The following DCAF12 variants were observed in gnomAD, a reference collection of about 807,000 sequenced individuals.
The protein encoded by DCAF12 is DDB1- and CUL4-associated factor 12.
Under a neutral mutation model 52.8 loss-of-function variants are expected in DCAF12, and 28 were observed. The observed-to-expected ratio is 0.53, with a 90% CI of 0.39 to 0.73. DCAF12 has a LOEUF of 0.73. DCAF12 is among the 30% of genes least tolerant of loss of function. The pLI is 0.00. For synonymous variants in DCAF12, 196 were observed against 215.5 expected, an observed-to-expected ratio of 0.91 and a Z score of 0.79; for missense variants, 425 against 552.2, an observed-to-expected ratio of 0.77 and a Z score of 2.31.
At chr9:34,124,940 G>T in intron 2 of DCAF12, 83 bp downstream of exon 2, 1 of 1,534,750 alleles carries the variant, frequency 6.5e-7, no homozygotes, top group Non-Finnish European at 8.8e-7. Context: ...AGAAACAGAC[G>T]GGAAAACTAG....
intron 2 of DCAF12, among the ~76,000 whole-genome samples, chr9:34,120,546 C>T (rs968028123): frequency 6.6e-6 from 1 of 151,568 alleles, no homozygotes; most frequent in African/African-American, 2.4e-5. Flanking sequence ...TAGCACGCGC[C>T]TGTAGTCCCA....
rs1472670044 is a variant in DCAF12, at chr9:34,089,541, C to G, written c.1074G>C (p.Gly358=). 6.2e-6 allele frequency: 10 copies of G among 1,613,840 alleles called. No individual in the cohort carries two copies. Residue 358 remains glycine (G), a synonymous_variant, in exon 8 of 9, where the codon GGG becomes GGC. Transcript: ENST00000361264. ...TGTCATAGAACAGCAGGGAGCCCTG[C>G]CCTGTTCCCACAGTGATGATGTGCT... ...FYEHIITVGT[G]QGSLLFYDIR... is the part of the protein sequence containing the mutation.
intron 6 of DCAF12, among the ~76,000 whole-genome samples, chr9:34,093,971 G>A (rs540871761): frequency 1.3e-5 from 2 of 152,148 alleles, no homozygotes; most frequent in African/African-American, 2.4e-5. Flanking sequence ...CTGGGTCTTC[G>A]TCAGTTAGCA....
intron 2 of DCAF12, among the ~76,000 whole-genome samples, chr9:34,119,947 T>A (rs541261459): frequency 6.6e-6 from 1 of 151,872 alleles, no homozygotes; most frequent in Non-Finnish European, 1.5e-5. Context: ...GCTCAAGTGA[T>A]CTTCCTGTCT....
chr9:34,126,565 G>C lies in DCAF12; in HGVS notation c.-134C>G. The C allele has an allele frequency of 4.2e-6, 4 of 950,072 alleles. No individual in the cohort carries two copies. The highest frequency in any genetic ancestry group is 6.1e-6 in the Non-Finnish European group (4 of 659,446). The allele number at this position is 950,072 out of a possible 1,614,324, so 58.9% of individuals were successfully genotyped here. A position where few individuals can be genotyped will look rare whatever the true frequency, so the allele number is the denominator to read the frequency against. The stretch of plus-strand genomic sequence containing the variant: ...CGGCCCGGAAAATGGCCCGGACCCG[G>C]AGCGGCAGCAGAAAAAAGATAGGCG... On this transcript the variant is annotated 5_prime_UTR_variant, in exon 1 of 9. Transcript: ENST00000361264.
At chr9:34,102,489 T>C (rs1224843294) in intron 4 of DCAF12, among the ~76,000 whole-genome samples, 1 of 151,590 alleles carries the variant, frequency 6.6e-6, no homozygotes, top group Non-Finnish European at 1.5e-5. Context: ...GGTGAAACCC[T>C]GTCTCTACTA....
intron 7 of DCAF12, among the ~76,000 whole-genome samples, chr9:34,090,586 G>T (rs1463444753): frequency 6.6e-6 from 1 of 152,124 alleles, no homozygotes; most frequent in East Asian, 1.9e-4. Context: ...TATTAGGTAT[G>T]AAAGTTACCC....
rs1275999857 is a variant in DCAF12 at position 34,098,392 on chromosome 9, T to C, written c.727A>G (p.Ile243Val). 1.2e-6 allele frequency: 2 copies of C among 1,614,244 alleles called. No homozygotes were observed. The highest frequency in any genetic ancestry group is 1.7e-6 in the Non-Finnish European group (2 of 1,180,028). Residue 243 changes from isoleucine (I) to valine (V), a missense_variant, in exon 5 of 9, where the codon ATC (isoleucine) becomes GTC (valine). Around this residue, in one of 3 missense-constraint regions of DCAF12, gnomAD observed 328 missense variants for 444.4 expected, o/e 0.74. Coordinates refer to ENST00000361264, the MANE Select transcript of DCAF12 (RefSeq NM_015397.4). ...TCAGGGTTTGTGTCTTCTTTGGGGA[T>C]GTCCTTTAAGGCCTTGTGAGTGATG... ...AHITHKALKD[I>V]PKEDTNPDNC...
chr9:34,100,947 T>G (rs1490035415), intron 4 of DCAF12, among the ~76,000 whole-genome samples: 4 of 151,876 alleles, frequency 2.6e-5, no homozygotes, highest in Non-Finnish European at 5.9e-5. Flanking sequence ...ACTAGGCCTC[T>G]TTTTCTAGAA....
chr9:34,125,046 C>A lies in DCAF12; in HGVS notation c.310G>T (p.Val104Leu). The A allele has an allele frequency of 1.9e-6, 3 of 1,613,458 alleles. No individual in the cohort carries two copies. Among genetic ancestry groups the A allele is most frequent in the Non-Finnish European group, 2.5e-6 (3 of 1,180,028 alleles). ...ASQWLNHRQV[V>L]CGTKCNTLFV... ...ACCGTGTTGCATTTTGTGCCACACA[C>A]CACTTGCCTATGATTCAACCACTGA... The change falls in exon 2 of 9, where the codon GTG (valine) becomes TTG (leucine). Residue 104 changes from valine to leucine, a missense_variant. By Grantham distance (32) the Val-to-Leu change is conservative (BLOSUM62 1). This residue lies in a region of DCAF12 where 328 missense variants were observed against 444.4 expected (regional missense o/e 0.74). Coordinates refer to ENST00000361264, the MANE Select transcript of DCAF12 (RefSeq NM_015397.4).
At chr9:34,117,239 T>C (rs1013139448) in intron 2 of DCAF12, among the ~76,000 whole-genome samples, 15 of 151,632 alleles carry the variant, frequency 9.9e-5, no homozygotes, top group African/African-American at 3.4e-4. Context: ...TAGCAGTAAA[T>C]TGATTTCTAA....
At chr9:34,102,823 C>T (rs933611648) in intron 4 of DCAF12, among the ~76,000 whole-genome samples, 1 of 151,960 alleles carries the variant, frequency 6.6e-6, no homozygotes, top group Non-Finnish European at 1.5e-5. Context: ...CGACTGTAAT[C>T]GCAACACTTT....
intron 2 of DCAF12, among the ~76,000 whole-genome samples, chr9:34,122,244 G>A (rs1191716203): frequency 6.6e-6 from 1 of 152,054 alleles, no homozygotes; most frequent in African/African-American, 2.4e-5. Flanking sequence ...GCAATTTTAG[G>A]GAAAGTTTAC....
At chr9:34,119,144 C>CAAA (rs1829133535) in intron 2 of DCAF12, among the ~76,000 whole-genome samples, 1 of 152,156 alleles carries the variant, frequency 6.6e-6, no homozygotes, top group Non-Finnish European at 1.5e-5. Context: ...CTAAGAGGAG[C>CAAA]AACTCCTTTT....
In DCAF12 at chr9:34,093,460, G is replaced by A. The variant is rs1280390132; in HGVS notation, c.862-12C>T. 9 of 1,613,744 alleles carry A rather than the reference G, an allele frequency of 5.6e-6. No individual in the cohort carries two copies. The highest frequency in any genetic ancestry group is 7.6e-6 in the Non-Finnish European group (9 of 1,179,734). Reference sequence around the variant, plus strand: ...TTGGTGGAGAGGAGCTGAAAATAGAGGAGAGATATAACCATGGCATCAGCA... The same window carrying A: ...TTGGTGGAGAGGAGCTGAAAATAGAAGAGAGATATAACCATGGCATCAGCA... On this transcript the variant is annotated splice_polypyrimidine_tract_variant and intron_variant, in intron 6 of 8. Coordinates refer to ENST00000361264, the MANE Select transcript of DCAF12 (RefSeq NM_015397.4).
At chr9:34,109,004 GGT>G (rs1828954780) in intron 2 of DCAF12, among the ~76,000 whole-genome samples, 2 of 35,286 alleles carry the variant, frequency 5.7e-5, no homozygotes, top group South Asian at 1.2e-3. Flanking sequence ...ATATATATAT[GGT>G]TTTTTTTTTT....
intron 2 of DCAF12, among the ~76,000 whole-genome samples, chr9:34,113,385 C>CT (rs1209375366): frequency 6.6e-6 from 1 of 151,992 alleles, no homozygotes; most frequent in African/African-American, 2.4e-5. Flanking sequence ...GAAACAGAGT[C>CT]TAGCTCTGTC....
Position 34,093,414 on chromosome 9 carries a change from T to C in DCAF12, c.896A>G (p.Asn299Ser), listed in dbSNP as rs778009239. The C allele has an allele frequency of 1.9e-6, 3 of 1,613,980 alleles. No individual in the cohort carries two copies. Among genetic ancestry groups the C allele is most frequent in the Non-Finnish European group, 1.7e-6 (2 of 1,180,028 alleles). Reference sequence around the variant, plus strand: ...TTCACTACCATAAGCCAGACACACATTCTCACGGCAATATGGCAGTTTGGT... The same window carrying C: ...TTCACTACCATAAGCCAGACACACACTCTCACGGCAATATGGCAGTTTGGT... ...LSTKLPYCRE[N>S]VCLAYGSEWS... Residue 299 changes from asparagine (N) to serine (S), a missense_variant, in exon 7 of 9, where the codon AAT becomes AGT. Coordinates refer to ENST00000361264, the MANE Select transcript of DCAF12 (RefSeq NM_015397.4).
intron 4 of DCAF12, among the ~76,000 whole-genome samples, chr9:34,099,373 A>C (rs995100145): frequency 2.6e-5 from 4 of 151,698 alleles, no homozygotes; most frequent in African/African-American, 9.7e-5. Flanking sequence ...CTGGGACTAC[A>C]GGCGCGTGCC....
Sources: allele counts gnomAD v4.1 joint callset (sites outside exome capture counted in the v4.1 genomes callset), GRCh38; gene constraint gnomAD v4.1.1; regional missense constraint gnomAD v4.1.1; transcripts MANE v1.5; gene names NCBI Gene and HGNC (gene_info 2026-07-23, HGNC 2026-07-21).